SP2: variants seen among roughly 807,000 people sequenced by gnomAD.
The protein encoded by SP2 is Sp2 transcription factor.
In SP2, 9 loss-of-function variants were observed where a neutral mutation model predicts 50.1. The ratio of observed to expected loss-of-function variants is 0.18; its 90% CI spans 0.11 to 0.31. SP2 has a LOEUF of 0.31. Ranked by LOEUF, SP2 falls within the 10% of genes least tolerant of loss-of-function variation. The pLI, the probability that SP2 is intolerant of heterozygous loss-of-function variation, is 1.00. For synonymous variants in SP2, 313 were observed against 326.6 expected, an observed-to-expected ratio of 0.96 and a Z score of 0.45; for missense variants, 581 against 806.5, an observed-to-expected ratio of 0.72 and a Z score of 3.39.
intron 1 of SP2, among the ~76,000 whole-genome samples, chr17:47,913,988 C>T (rs967351983): frequency 5.3e-5 from 8 of 152,114 alleles, no homozygotes; most frequent in African/African-American, 1.9e-4. Flanking sequence ...CTTGTTATAT[C>T]CAGTTAGTCA....
intron 1 of SP2, among the ~76,000 whole-genome samples, chr17:47,904,970 C>T (rs2034701032): frequency 6.6e-6 from 1 of 152,128 alleles, no homozygotes; most frequent in African/African-American, 2.4e-5. Flanking sequence ...TGGCATCTTG[C>T]TGTATTGCCC....
In SP2 at chr17:47,917,145, G is replaced by A; in HGVS notation, c.1059+15G>A. On this transcript the variant is annotated intron_variant, in intron 3 of 6. Coordinates refer to ENST00000376741, the MANE Select transcript of SP2 (RefSeq NM_003110.6). ...CACCTACTCAGGTACCACACTCCCTGTACTGTCCTCCTTCTCCTCCTCTGG... is the reference window on the plus strand; with the variant it reads ...CACCTACTCAGGTACCACACTCCCTATACTGTCCTCCTTCTCCTCCTCTGG... 1.9e-6 allele frequency: 3 copies of A among 1,579,084 alleles called. No individual in the cohort carries two copies. The highest frequency in any genetic ancestry group is 2.6e-6 in the Non-Finnish European group (3 of 1,162,384).
intron 1 of SP2, among the ~76,000 whole-genome samples, chr17:47,908,943 G>T (rs1033047087): frequency 6.6e-6 from 1 of 152,210 alleles, no homozygotes; most frequent in Non-Finnish European, 1.5e-5. Context: ...CCTGCCTCTG[G>T]TTAAGTGATT....
At chr17:47,923,966 C>G (rs889759361) in intron 4 of SP2, among the ~76,000 whole-genome samples, 1 of 152,014 alleles carries the variant, frequency 6.6e-6, no homozygotes, top group African/African-American at 2.4e-5. Context: ...TCCCAAAATG[C>G]TGGGATTACA....
At chr17:47,903,088 C>T (rs1203438945) in intron 1 of SP2, among the ~76,000 whole-genome samples, 2 of 152,190 alleles carry the variant, frequency 1.3e-5, no homozygotes, top group Non-Finnish European at 2.9e-5. Context: ...CCTATTAATA[C>T]ATCCAAGTGG....
chr17:47,923,740 A>C (rs1567702742), intron 4 of SP2, among the ~76,000 whole-genome samples: 1 of 152,106 alleles, frequency 6.6e-6, no homozygotes, highest in Non-Finnish European at 1.5e-5. Flanking sequence ...ATTTCTCTTC[A>C]TCCTTAATGA....
chr17:47,896,333 C>T (rs2034327205), intron 1 of SP2, 40 bp downstream of exon 1: 9 of 1,233,652 alleles, frequency 7.3e-6, no homozygotes, highest in Non-Finnish European at 9.1e-6. Context: ...TCCCGGCCCC[C>T]AAGGGTCAGG....
At position 47,923,299 on chromosome 17, in the gene SP2, G is replaced by GTGT. The variant is rs751870331; in HGVS notation, c.1372+28_1372+30dup. The GTGT allele has an allele frequency of 1.4e-5, 22 of 1,573,314 alleles. No individual in the cohort carries two copies. In the South Asian group the frequency reaches 2.4e-4, roughly 17 times the overall value. Reference sequence around the variant, plus strand: ...GGTGAGGATGGCCCCTGTGGCCAGGGTGTTGGCAGTGGTACCTGCTCCTAG... The same window carrying GTGT: ...GGTGAGGATGGCCCCTGTGGCCAGGGTGTTGTTGGCAGTGGTACCTGCTCCTAG... On this transcript the variant is annotated intron_variant, in intron 4 of 6. Transcript: ENST00000376741.
intron 1 of SP2, among the ~76,000 whole-genome samples, chr17:47,903,528 G>A (rs1048087225): frequency 4.6e-5 from 7 of 152,080 alleles, no homozygotes; most frequent in South Asian, 2.1e-4. Context: ...TTAGCCGGGC[G>A]TGGTGTCAGG....
rs768198581 is a variant in SP2, at chr17:47,915,337, T to C, written c.33T>C (p.Thr11=). MSDPQTSMAA[T]AAVSPSDYLQ... ...ATCCACAGACCAGCATGGCTGCCAC[T>C]GCTGCTGTGAGTCCCAGTGACTACC... Residue 11 remains threonine, a synonymous_variant, in exon 2 of 7, where the codon ACT becomes ACC. Transcript: ENST00000376741. 8.7e-6 allele frequency: 14 copies of C among 1,613,080 alleles called. No individual in the cohort carries two copies. The highest frequency in any genetic ancestry group is 1.3e-5 in the African/African-American group (1 of 74,858).
rs2035198456 is a variant in SP2 at position 47,916,264 on chromosome 17, C to T, written c.193C>T (p.Arg65Trp). The change falls in exon 3 of 7, where the codon CGG (arginine) becomes TGG (tryptophan). Residue 65 changes from arginine (R) to tryptophan (W), a missense_variant. Coordinates refer to ENST00000376741, the MANE Select transcript of SP2 (RefSeq NM_003110.6). The surrounding 1 kb of genome is among the most constrained non-coding windows in gnomAD (Gnocchi z 4.7). ...TPPAPPQPTP[R>W]KLVPIKPAPL... is the part of the protein sequence containing the mutation. ...TCCTGCTCCCCCACAGCCCACACCG[C>T]GGAAACTTGTCCCTATCAAACCTGC... 3.7e-6 allele frequency: 6 copies of T among 1,613,982 alleles called. No homozygotes were observed. Among genetic ancestry groups the T allele is most frequent in the Admixed American group, 3.3e-5 (2 of 59,992 alleles).
At chr17:47,927,222 A>T (rs1259519188) in intron 6 of SP2, among the ~76,000 whole-genome samples, 1 of 152,088 alleles carries the variant, frequency 6.6e-6, no homozygotes, top group Non-Finnish European at 1.5e-5. Flanking sequence ...GAGAGAAATG[A>T]GAATTGATAA....
intron 1 of SP2, chr17:47,899,898 T>C (rs147065518): frequency 6.6e-6 from 1 of 152,400 alleles, no homozygotes; most frequent in East Asian, 1.9e-4. Flanking sequence ...AGTGCTGAGA[T>C]GTCTAGGCCG....
intron 4 of SP2, among the ~76,000 whole-genome samples, chr17:47,923,516 CAACT>C (rs1305138020): frequency 2.0e-5 from 3 of 152,218 alleles, no homozygotes; most frequent in Non-Finnish European, 2.9e-5. Flanking sequence ...GAAAACTTTC[CAACT>C]GACATCCAAA....
At chr17:47,898,513 A>G (rs770642950) in intron 1 of SP2, 1 of 152,212 alleles carries the variant, frequency 6.6e-6, no homozygotes, top group Non-Finnish European at 1.5e-5. Context: ...AGACCTTAGT[A>G]TTGGCTTGGT....
chr17:47,910,874 G>A (rs1331607983), intron 1 of SP2, among the ~76,000 whole-genome samples: 2 of 152,144 alleles, frequency 1.3e-5, no homozygotes, highest in African/African-American at 4.8e-5. Flanking sequence ...GCCCTGAAAT[G>A]TGCAGGACTT....
chr17:47,905,660 G>A (rs984610196), intron 1 of SP2, among the ~76,000 whole-genome samples: 1 of 152,170 alleles, frequency 6.6e-6, no homozygotes, highest in African/African-American at 2.4e-5. Context: ...CCTGTTACGT[G>A]CTCTCCCCAA....
At chr17:47,896,361 C>G (rs2034328765) in intron 1 of SP2, 68 bp downstream of exon 1, 2 of 1,202,398 alleles carry the variant, frequency 1.7e-6, no homozygotes, top group East Asian at 3.2e-5. Context: ...GCAGAGGCCG[C>G]GGGGAGAGGG....
chr17:47,902,352 AG>A (rs1212328073), intron 1 of SP2, among the ~76,000 whole-genome samples: 1 of 152,090 alleles, frequency 6.6e-6, no homozygotes, highest in Non-Finnish European at 1.5e-5. Context: ...TTTTACTTTG[AG>A]TGGGAGATGG....
Sources: allele counts gnomAD v4.1 joint callset (sites outside exome capture counted in the v4.1 genomes callset), GRCh38; gene constraint gnomAD v4.1.1; non-coding constraint Gnocchi (gnomAD v3.1); transcripts MANE v1.5; gene names NCBI Gene and HGNC (gene_info 2026-07-23, HGNC 2026-07-21).